Variants in SNX4 observed in about 807,000 individuals in gnomAD.
SNX4 encodes sorting nexin-4.
Under a neutral mutation model 70.8 loss-of-function variants are expected in SNX4, and 49 were observed. That is an observed-to-expected ratio of 0.69 (90% CI 0.55 to 0.88). SNX4 has a LOEUF of 0.88. SNX4 is among the 40% of genes least tolerant of loss of function. The pLI is 0.00. For synonymous variants in SNX4, 206 were observed against 183.8 expected, an observed-to-expected ratio of 1.12 and a Z score of -0.98; for missense variants, 528 against 544.8, an observed-to-expected ratio of 0.97 and a Z score of 0.31.
chr3:125,518,806 C>T (rs1257897538), intron 1 of SNX4, among the ~76,000 whole-genome samples: 1 of 151,708 alleles, frequency 6.6e-6, no homozygotes, highest in African/African-American at 2.4e-5. Context: ...AGTTCGAGAC[C>T]AGCCTGACCA....
intron 5 of SNX4, 86 bp from the exon 6 acceptor site, chr3:125,489,549 T>C (rs954627250): frequency 2.5e-5 from 26 of 1,023,534 alleles, no homozygotes; most frequent in African/African-American, 4.8e-5. Context: ...AGAATTAAGA[T>C]GCTCAAGTAC....
intron 8 of SNX4, among the ~76,000 whole-genome samples, chr3:125,472,593 C>T (rs1934200841): frequency 6.6e-6 from 1 of 152,134 alleles, no homozygotes; most frequent in Non-Finnish European, 1.5e-5. Context: ...AAACTCAAGC[C>T]TTCAGAGAGT....
intron 9 of SNX4, among the ~76,000 whole-genome samples, chr3:125,469,101 A>G (rs1934107294): frequency 6.6e-6 from 1 of 152,190 alleles, no homozygotes; most frequent in Admixed American, 6.5e-5. Flanking sequence ...ATATTTCACT[A>G]TTAAGTACAA....
chr3:125,517,398 G>T (rs1384307836), intron 1 of SNX4, among the ~76,000 whole-genome samples: 1 of 152,152 alleles, frequency 6.6e-6, no homozygotes, highest in Non-Finnish European at 1.5e-5. Flanking sequence ...TACTTTTCTG[G>T]TGAGACCAAA....
intron 1 of SNX4, among the ~76,000 whole-genome samples, chr3:125,512,476 G>C (rs1262770194): frequency 6.6e-6 from 1 of 152,056 alleles, no homozygotes; most frequent in Non-Finnish European, 1.5e-5. Context: ...ATACCAGTAG[G>C]GTTGGTAGAT....
At chr3:125,510,925 T>C (rs1414042773) in intron 1 of SNX4, among the ~76,000 whole-genome samples, 1 of 152,206 alleles carries the variant, frequency 6.6e-6, no homozygotes, top group African/African-American at 2.4e-5. Flanking sequence ...TTAACACAAT[T>C]TGTTTGTTTT....
At chr3:125,519,831 A>T (rs547402756) in intron 1 of SNX4, among the ~76,000 whole-genome samples, 138 of 150,966 alleles carry the variant, frequency 9.1e-4, no homozygotes, top group African/African-American at 3.2e-3. Flanking sequence ...CGCTCGCCCC[A>T]CACCCAGCAC....
intron 8 of SNX4, among the ~76,000 whole-genome samples, chr3:125,474,905 A>T (rs1483853206): frequency 6.6e-6 from 1 of 152,190 alleles, no homozygotes; most frequent in African/African-American, 2.4e-5. Flanking sequence ...TCCCAAGCTT[A>T]ATTGGGTTCC....
rs775898431 is a variant in SNX4 at position 125,476,696 on chromosome 3, T to G, written c.787A>C (p.Ser263Arg). 1.3e-6 allele frequency: 2 copies of G among 1,578,696 alleles called. No homozygotes were observed. Among genetic ancestry groups the G allele is most frequent in the South Asian group, 2.2e-5 (2 of 88,892 alleles). The change falls in exon 8 of 14, where the codon AGT becomes CGT. Residue 263 changes from serine (S) to arginine (R), a missense_variant and splice_region_variant. Physicochemically the swap from Ser to Arg is moderately radical, Grantham distance 110. Transcript: ENST00000251775. ...KVHGNYGRVF[S>R]EWSAIEKEMG... is the part of the protein sequence containing the mutation. ...TTTTAAAGTTTGTATGATGCTTACCTGAAAACTCGACCATAATTCCCATGT... is the reference window on the plus strand; with the variant it reads ...TTTTAAAGTTTGTATGATGCTTACCGGAAAACTCGACCATAATTCCCATGT...
chr3:125,494,855 G>A (rs1934746740), intron 5 of SNX4, among the ~76,000 whole-genome samples: 1 of 152,134 alleles, frequency 6.6e-6, no homozygotes, highest in Non-Finnish European at 1.5e-5. Context: ...GGGGTTACAG[G>A]TGGGTAGGGA....
In SNX4 at chr3:125,488,803, G is replaced by A. The variant is rs532012958; in HGVS notation, c.653+605C>T. Among the ~76,000 whole-genome samples, 25 of 152,246 alleles carry A rather than the reference G, an allele frequency of 1.6e-4. No homozygotes were observed. The South Asian group carries it at 5.2e-3, about 32-fold the overall frequency. On this transcript the variant is annotated intron_variant, in intron 6 of 13. Transcript: ENST00000251775. ...CATATCCAATTAAAAAACTCTAACT[G>A]AACCAAATTGCCAAGTAAAGGTCCA... is the stretch of plus-strand genomic sequence containing the variant.
At chr3:125,467,979 T>C (rs966218571) in intron 9 of SNX4, among the ~76,000 whole-genome samples, 5 of 152,098 alleles carry the variant, frequency 3.3e-5, no homozygotes, top group Admixed American at 6.5e-5. Flanking sequence ...AGCGAAGACA[T>C]GGAATCAACC....
chr3:125,495,777 T>C (rs375108502), intron 5 of SNX4, among the ~76,000 whole-genome samples: 1 of 152,222 alleles, frequency 6.6e-6, no homozygotes, highest in East Asian at 1.9e-4. Flanking sequence ...TTTTTAAATT[T>C]TTTGTTATAT....
intron 1 of SNX4, among the ~76,000 whole-genome samples, chr3:125,510,143 G>T (rs574501806): frequency 6.6e-6 from 1 of 152,092 alleles, no homozygotes; most frequent in African/African-American, 2.4e-5. Flanking sequence ...GGGTCTCAAA[G>T]AGATATTTGC....
At chr3:125,485,102 C>G (rs1934492294) in intron 6 of SNX4, among the ~76,000 whole-genome samples, 1 of 151,822 alleles carries the variant, frequency 6.6e-6, no homozygotes, top group Non-Finnish European at 1.5e-5. Flanking sequence ...ACCAGCCAGC[C>G]AGGCTTGATG....
At chr3:125,514,080 C>T in intron 1 of SNX4, among the ~76,000 whole-genome samples, 1 of 151,680 alleles carries the variant, frequency 6.6e-6, no homozygotes, top group Non-Finnish European at 1.5e-5. Flanking sequence ...ACGAAGCCTC[C>T]ATCCTCATGA....
chr3:125,499,554 C>A (rs1934879418), intron 2 of SNX4, among the ~76,000 whole-genome samples: 2 of 152,016 alleles, frequency 1.3e-5, no homozygotes, highest in Admixed American at 1.3e-4. Context: ...AATCATAATT[C>A]ATTTTAAAGA....
At chr3:125,511,919 C>T (rs1190377788) in intron 1 of SNX4, among the ~76,000 whole-genome samples, 1 of 152,072 alleles carries the variant, frequency 6.6e-6, no homozygotes, top group African/African-American at 2.4e-5. Context: ...ACAGATGATA[C>T]ACTACACAGC....
chr3:125,476,830 C>CA, intron 7 of SNX4, 74 bp from the exon 8 acceptor site: 2 of 795,256 alleles, frequency 2.5e-6, no homozygotes, highest in East Asian at 2.7e-5. Context: ...ACCCAAAAAA[C>CA]AAAAAACATG....
Sources: gnomAD v4.1 joint callset for allele counts (sites outside exome capture counted in the v4.1 genomes callset) on GRCh38, gnomAD v4.1.1 for gene constraint, MANE v1.5 for transcripts, NCBI Gene and HGNC (gene_info 2026-07-23, HGNC 2026-07-21) for gene names.